Variants in CD96 observed in about 807,000 individuals in gnomAD.
CD96 encodes the protein T-cell surface protein tactile.
Under a neutral mutation model 71.3 loss-of-function variants are expected in CD96, and 70 were observed. The ratio of observed to expected loss-of-function variants is 0.98; its 90% CI spans 0.81 to 1.20. CD96 has a LOEUF of 1.20. Ranked by LOEUF, CD96 falls within the 50% of genes most tolerant of loss-of-function variation. The pLI, the probability that CD96 is intolerant of heterozygous loss-of-function variation, is 0.00. For synonymous variants in CD96, 248 were observed against 233.0 expected, an observed-to-expected ratio of 1.06 and a Z score of -0.59; for missense variants, 742 against 677.5, an observed-to-expected ratio of 1.10 and a Z score of -1.06.
chr3:111,602,379 A>G (rs923565852), intron 7 of CD96, among the ~76,000 whole-genome samples: 6 of 152,186 alleles, frequency 3.9e-5, no homozygotes, highest in Admixed American at 1.3e-4. Flanking sequence ...CTGAAAACAT[A>G]CCATAATTCC....
intron 14 of CD96, among the ~76,000 whole-genome samples, chr3:111,664,554 A>C (rs747442498): frequency 7.2e-5 from 11 of 152,306 alleles, no homozygotes; most frequent in Middle Eastern, 3.4e-3. Context: ...ATAACCTATC[A>C]AGTACCATGC....
chr3:111,609,274 C>G (rs1411747382), intron 8 of CD96, among the ~76,000 whole-genome samples: 1 of 152,068 alleles, frequency 6.6e-6, no homozygotes, highest in Non-Finnish European at 1.5e-5. Flanking sequence ...GTAAACAAAG[C>G]CTTGAGCCCC....
At chr3:111,646,986 G>A (rs1162886327) in intron 12 of CD96, among the ~76,000 whole-genome samples, 1 of 150,156 alleles carries the variant, frequency 6.7e-6, no homozygotes, top group Non-Finnish European at 1.5e-5. Context: ...TCTACAGCAT[G>A]TTCTCACTAT....
At position 111,598,184 on chromosome 3, in the gene CD96, G is replaced by C; in HGVS notation, c.872G>C (p.Gly291Ala). The change falls in exon 6 of 14, where the codon GGA becomes GCA. Residue 291 changes from glycine (G) to alanine (A), a missense_variant. Gly to Ala is a moderately conservative substitution (Grantham distance 60). Coordinates refer to ENST00000352690, the MANE Select transcript of CD96 (RefSeq NM_005816.5). ...PKANITWFID[G>A]SFLHDEKEGI... is the part of the protein sequence containing the mutation. ...GCAAATATCACATGGTTTATAGATGGAAGTTTTCTTCATGATGAAAAAGAA... is the reference window on the plus strand; with the variant it reads ...GCAAATATCACATGGTTTATAGATGCAAGTTTTCTTCATGATGAAAAAGAA... 3 of 1,452,256 alleles carry C rather than the reference G, an allele frequency of 2.1e-6. No homozygotes were observed. The highest frequency in any genetic ancestry group is 2.9e-6 in the Non-Finnish European group (3 of 1,033,248). 90.0% of individuals were successfully genotyped at this position (1,452,256 alleles called of 1,614,324 possible). A position where few individuals can be genotyped will look rare whatever the true frequency, so the allele number is the denominator to read the frequency against.
chr3:111,555,947 A>C (rs1405933459), intron 2 of CD96, among the ~76,000 whole-genome samples: 2 of 152,252 alleles, frequency 1.3e-5, no homozygotes, highest in African/African-American at 4.8e-5. Flanking sequence ...AGCTGTTTTC[A>C]TTTCTTTCAA....
At chr3:111,580,540 C>G (rs1015189075) in intron 4 of CD96, among the ~76,000 whole-genome samples, 2 of 152,170 alleles carry the variant, frequency 1.3e-5, no homozygotes, top group East Asian at 3.9e-4. Context: ...TAGATTGTTC[C>G]TCAATTCTCT....
chr3:111,595,190 T>C (rs1196321404), intron 5 of CD96: 1 of 154,994 alleles, frequency 6.5e-6, no homozygotes, highest in Non-Finnish European at 1.5e-5. Context: ...ACAGCCCGAC[T>C]TCTCTCTCCT....
chr3:111,595,203 C>T (rs1235207878), intron 5 of CD96: 3 of 153,614 alleles, frequency 2.0e-5, no homozygotes, highest in Non-Finnish European at 4.4e-5. Flanking sequence ...TCTCTCCTTT[C>T]TTGGGTCATT....
At chr3:111,604,803 T>G (rs1242859623) in intron 7 of CD96, among the ~76,000 whole-genome samples, 1 of 152,242 alleles carries the variant, frequency 6.6e-6, no homozygotes, top group Non-Finnish European at 1.5e-5. Flanking sequence ...TTAGGCTTTG[T>G]AGACTTTTTA....
At chr3:111,572,840 T>C (rs1383923107) in intron 3 of CD96, among the ~76,000 whole-genome samples, 2 of 152,238 alleles carry the variant, frequency 1.3e-5, no homozygotes, top group Non-Finnish European at 2.9e-5. Flanking sequence ...TAAAATAAAC[T>C]CTTATGCCAC....
chr3:111,626,894 G>A (rs931859098), intron 10 of CD96, among the ~76,000 whole-genome samples: 6 of 152,114 alleles, frequency 3.9e-5, no homozygotes, highest in African/African-American at 1.4e-4. Context: ...ATATGCCTTA[G>A]ACGTAATATG....
intron 5 of CD96, among the ~76,000 whole-genome samples, chr3:111,588,099 C>G (rs1482898947): frequency 1.3e-5 from 2 of 152,188 alleles, no homozygotes; most frequent in Admixed American, 6.5e-5. Flanking sequence ...ATGGGATTTT[C>G]TTTTCTATCA....
At chr3:111,653,534 CT>C (rs1256964210), downstream of CD96, among the ~76,000 whole-genome samples, 1 of 152,154 alleles carries the variant, frequency 6.6e-6, no homozygotes, top group African/African-American at 2.4e-5. Flanking sequence ...ATTTATAGAT[CT>C]TTAAAAATCA....
At chr3:111,628,859 T>C (rs1188586890) in intron 10 of CD96, among the ~76,000 whole-genome samples, 1 of 152,182 alleles carries the variant, frequency 6.6e-6, no homozygotes, top group Admixed American at 6.5e-5. Flanking sequence ...GGAGCCTACA[T>C]TCAACATACA....
intron 10 of CD96, among the ~76,000 whole-genome samples, chr3:111,630,691 C>G (rs1939016367): frequency 6.6e-6 from 1 of 152,148 alleles, no homozygotes; most frequent in Non-Finnish European, 1.5e-5. Context: ...CAAAACCTGG[C>G]AGAGATACAA....
At chr3:111,661,298 A>C (rs2107817943) in intron 14 of CD96, among the ~76,000 whole-genome samples, 1 of 152,344 alleles carries the variant, frequency 6.6e-6, no homozygotes, top group Admixed American at 6.5e-5. Flanking sequence ...TTACAATTCA[A>C]CATGAGATTT....
chr3:111,639,015 T>G (rs999621735), intron 12 of CD96, among the ~76,000 whole-genome samples: 1 of 152,158 alleles, frequency 6.6e-6, no homozygotes, highest in African/African-American at 2.4e-5. Context: ...AAATATTTTG[T>G]TTGGCAAGAA....
At chr3:111,543,675 C>T (rs1451414682) in intron 1 of CD96, among the ~76,000 whole-genome samples, 1 of 151,876 alleles carries the variant, frequency 6.6e-6, no homozygotes, top group African/African-American at 2.4e-5. Flanking sequence ...TTAAGTAGCC[C>T]CTCCCAGCAT....
intron 4 of CD96, among the ~76,000 whole-genome samples, chr3:111,581,451 A>T (rs975010100): frequency 2.0e-5 from 3 of 152,130 alleles, no homozygotes. Flanking sequence ...TATATATCAG[A>T]TCTATTCCAC....
Sources: gnomAD v4.1 joint callset for allele counts (sites outside exome capture counted in the v4.1 genomes callset) on GRCh38, gnomAD v4.1.1 for gene constraint, MANE v1.5 for transcripts, NCBI Gene and HGNC (gene_info 2026-07-23, HGNC 2026-07-21) for gene names.